The following FAM50B variants were observed in gnomAD, a reference collection of about 807,000 sequenced individuals.
FAM50B encodes the protein family with sequence similarity 50 member B.
Under a neutral mutation model 25.4 loss-of-function variants are expected in FAM50B, and 9 were observed. That is an observed-to-expected ratio of 0.35 (90% CI 0.21 to 0.62). The LOEUF is 0.62. Among genes scored for constraint, FAM50B ranks in the 20% least tolerant of loss-of-function variants. FAM50B has a pLI of 0.73. For missense variants in FAM50B, 372 were observed against 477.9 expected (o/e 0.78, Z 2.07); for synonymous variants, 212 against 204.3 (o/e 1.04, Z -0.32).
At chr6:3,842,995 T>C in the FAM50B span, among the ~76,000 whole-genome samples, 1 of 152,254 alleles carries the variant, frequency 6.6e-6, no homozygotes, top group Non-Finnish European at 1.5e-5. Context: ...CATAAACTGC[T>C]GAATTCCATT....
At chr6:3,843,825 A>G in the FAM50B span, among the ~76,000 whole-genome samples, 5 of 152,292 alleles carry the variant, frequency 3.3e-5, no homozygotes, top group African/African-American at 7.2e-5. Context: ...GAATTCATAC[A>G]CTAGTTCTTT....
chr6:3,849,908 C>A lies in FAM50B; in HGVS notation c.97C>A (p.Gln33Lys). The A allele has an allele frequency of 6.2e-7, 1 of 1,613,826 alleles. No homozygotes were observed. Among genetic ancestry groups the A allele is most frequent in the Non-Finnish European group, 8.5e-7 (1 of 1,180,004 alleles). ...RQREQMEVLK[Q>K]RIAEETILKS... ...GCGGGAGCAGATGGAGGTGCTGAAG[C>A]AGCGCATCGCCGAGGAGACCATCCT... Residue 33 changes from glutamine to lysine, a missense_variant, in exon 2 of 2, where the codon CAG becomes AAG. Gln to Lys is a moderately conservative substitution (Grantham distance 53, BLOSUM62 1). This residue lies in a region of FAM50B where 64 missense variants were observed against 118.3 expected (regional missense o/e 0.54). Coordinates refer to ENST00000648326, the MANE Select transcript of FAM50B (RefSeq NM_012135.3).
At chr6:3,846,250 G>A (rs1341849078), upstream of FAM50B, among the ~76,000 whole-genome samples, 1 of 152,190 alleles carries the variant, frequency 6.6e-6, no homozygotes, top group African/African-American at 2.4e-5. Flanking sequence ...ATACCTCGGA[G>A]ATACTGTGGG....
chr6:3,848,990 G>T (rs918057235), upstream of FAM50B, among the ~76,000 whole-genome samples: 8 of 152,236 alleles, frequency 5.3e-5, no homozygotes, highest in Non-Finnish European at 1.2e-4. Context: ...AGGAGGGTTG[G>T]AGAGCAGGGC....
Position 3,850,603 on chromosome 6 carries a change from G to A in FAM50B, c.792G>A (p.Pro264=), listed in dbSNP as rs773566808. The A allele has an allele frequency of 3.7e-6, 6 of 1,614,090 alleles. No homozygotes were observed. The South Asian group carries it at 6.6e-5, about 18-fold the overall frequency. The change falls in exon 2 of 2, where the codon CCG becomes CCA. Residue 264 remains proline (P), a synonymous_variant. Transcript: ENST00000648326. ...CCAGGGCGAGGGGCAAGAGCGGGCC[G>A]CTCTTCAGCTTCGATGTGCACGATG... ...IIARARGKSG[P]LFSFDVHDDV... is the part of the protein sequence containing the mutation.
chr6:3,849,776 C>G lies in FAM50B; in HGVS notation c.-23-13C>G, dbSNP rs1161061996. The G allele has an allele frequency of 1.9e-6, 3 of 1,561,696 alleles. No individual in the cohort carries two copies. In the East Asian group the frequency reaches 6.8e-5, roughly 35 times the overall value. Reference sequence around the variant, plus strand: ...CCCCCCTCTACCTGCCGCGTTTTTCCTCTTTGCTGCAGAGCCCATCGGGTA... The same window carrying G: ...CCCCCCTCTACCTGCCGCGTTTTTCGTCTTTGCTGCAGAGCCCATCGGGTA... On this transcript the variant is annotated splice_polypyrimidine_tract_variant and intron_variant, in intron 1 of 1. Coordinates refer to ENST00000648326, the MANE Select transcript of FAM50B (RefSeq NM_012135.3).
At chr6:3,845,882 AT>A (rs947009322), upstream of FAM50B, among the ~76,000 whole-genome samples, 1 of 151,826 alleles carries the variant, frequency 6.6e-6, no homozygotes, top group Non-Finnish European at 1.5e-5. Flanking sequence ...CACCCAGCTA[AT>A]TTTTTTTATT....
the FAM50B span, among the ~76,000 whole-genome samples, chr6:3,834,359 C>CAAAAAAAAAAAAAAAAAAAAGAA: frequency 2.7e-5 from 2 of 75,042 alleles, no homozygotes; most frequent in African/African-American, 4.4e-5. Flanking sequence ...TGATATATGG[C>CAAAAAAAAAAAAAAAAAAAAGAA]AAAAAAAAAA....
upstream of FAM50B, among the ~76,000 whole-genome samples, chr6:3,848,564 G>C (rs566618654): frequency 1.2e-4 from 19 of 152,206 alleles, no homozygotes; most frequent in Admixed American, 5.2e-4. Flanking sequence ...GGCGGGAGGA[G>C]GCTGAACCGC....
rs1561775715 is a variant in FAM50B, at chr6:3,850,255, G to A, written c.444G>A (p.Val148=). ...RAGNLGKNPD[V]DTSFLPDRDR... ...GAAACCTGGGCAAGAACCCCGACGT[G>A]GACACCAGCTTCCTGCCAGACCGCG... Residue 148 remains valine, a synonymous_variant, in exon 2 of 2, where the codon GTG becomes GTA. Transcript: ENST00000648326. 2 of 1,613,206 alleles carry A rather than the reference G, an allele frequency of 1.2e-6. No individual in the cohort carries two copies. The highest frequency in any genetic ancestry group is 3.3e-5 in the Admixed American group (2 of 59,996).
chr6:3,844,853 T>C (rs9392015), upstream of FAM50B, among the ~76,000 whole-genome samples: 19,394 of 152,254 alleles, frequency 0.13, 2,808 homozygotes, highest in African/African-American at 0.36. Flanking sequence ...TTAATAGTTA[T>C]GTTACTTATG....
At chr6:3,835,632 C>T in the FAM50B span, among the ~76,000 whole-genome samples, 5 of 152,208 alleles carry the variant, frequency 3.3e-5, no homozygotes, top group East Asian at 1.9e-4. Context: ...CCTTGTTTCA[C>T]GTCTTGTGAT....
At chr6:3,849,175 A>AGC (rs1253895892), upstream of FAM50B, among the ~76,000 whole-genome samples, 4 of 152,184 alleles carry the variant, frequency 2.6e-5, no homozygotes, top group African/African-American at 9.6e-5. Context: ...CAGGGCCAGA[A>AGC]GCGCCTCCTC....
chr6:3,835,840 C>T, the FAM50B span, among the ~76,000 whole-genome samples: 5 of 152,198 alleles, frequency 3.3e-5, no homozygotes, highest in Non-Finnish European at 5.9e-5. Context: ...CTGTGGACTC[C>T]CAACCTCACG....
At chr6:3,848,927 G>A (rs1258161028), upstream of FAM50B, among the ~76,000 whole-genome samples, 1 of 152,082 alleles carries the variant, frequency 6.6e-6, no homozygotes, top group Non-Finnish European at 1.5e-5. Context: ...AGGCAGTGGT[G>A]CGCAGGTAAT....
At chr6:3,841,956 G>A in the FAM50B span, among the ~76,000 whole-genome samples, 1 of 152,232 alleles carries the variant, frequency 6.6e-6, no homozygotes, top group African/African-American at 2.4e-5. Flanking sequence ...TTGGCTGTGA[G>A]CAGTGTGCAC....
the FAM50B span, among the ~76,000 whole-genome samples, chr6:3,836,662 C>A: frequency 6.6e-6 from 1 of 152,186 alleles, no homozygotes; most frequent in African/African-American, 2.4e-5. Context: ...AACAGTGTGT[C>A]TGAAAATGGG....
the FAM50B span, among the ~76,000 whole-genome samples, chr6:3,842,862 G>A: frequency 4.6e-5 from 7 of 152,164 alleles, no homozygotes; most frequent in Non-Finnish European, 7.3e-5. Flanking sequence ...ACTCTAGTTC[G>A]CAATTAATAT....
rs762243354 is a variant in FAM50B, at chr6:3,850,483, C to T, written c.672C>T (p.Phe224=). 8.7e-6 allele frequency: 14 copies of T among 1,613,500 alleles called. No homozygotes were observed. The South Asian group carries it at 1.1e-4, about 13-fold the overall frequency. The change falls in exon 2 of 2, where the codon TTC becomes TTT. Residue 224 remains phenylalanine, a synonymous_variant. Coordinates refer to ENST00000648326, the MANE Select transcript of FAM50B (RefSeq NM_012135.3). The part of the protein sequence containing the change: ...KKALQGLRKD[F]LELRSAGVEQ... ...CGCTGCAGGGGCTGCGCAAGGACTTCCTGGAGCTGCGCTCCGCCGGCGTGG... is the reference window on the plus strand; with the variant it reads ...CGCTGCAGGGGCTGCGCAAGGACTTTCTGGAGCTGCGCTCCGCCGGCGTGG...
Sources: allele counts gnomAD v4.1 joint callset (sites outside exome capture counted in the v4.1 genomes callset), GRCh38; gene constraint gnomAD v4.1.1; regional missense constraint gnomAD v4.1.1; transcripts MANE v1.5; gene names NCBI Gene and HGNC (gene_info 2026-07-23, HGNC 2026-07-21).